SIL1: variants seen among roughly 807,000 people sequenced by gnomAD.
SIL1 encodes the protein nucleotide exchange factor SIL1.
In SIL1, 40 loss-of-function variants were observed where a neutral mutation model predicts 49.1. The ratio of observed to expected loss-of-function variants is 0.81; its 90% CI spans 0.63 to 1.06. The LOEUF (loss-of-function observed/expected upper bound fraction) is 1.06, where lower values mean the gene tolerates loss of function less well. Among genes scored for constraint, SIL1 ranks in the 50% least tolerant of loss-of-function variants. The pLI is 0.00. For missense variants in SIL1, 500 were observed against 572.6 expected, an observed-to-expected ratio of 0.87 and a Z score of 1.29; for synonymous variants, 253 against 250.8, an observed-to-expected ratio of 1.01 and a Z score of -0.08.
chr5:139,105,967 G>A (rs181996645), intron 3 of SIL1, among the ~76,000 whole-genome samples: 28 of 152,350 alleles, frequency 1.8e-4, no homozygotes, highest in Admixed American at 1.3e-3. Context: ...AAGCGAAGCC[G>A]TGCCAAACTG....
intron 7 of SIL1, chr5:138,953,582 C>A (rs1351083727): frequency 1.3e-5 from 2 of 152,418 alleles, no homozygotes. Context: ...TGCAGAGCAG[C>A]CTGGAGATGG....
chr5:139,063,221 G>C (rs1187716224), intron 3 of SIL1, among the ~76,000 whole-genome samples: 1 of 152,240 alleles, frequency 6.6e-6, no homozygotes, highest in Non-Finnish European at 1.5e-5. Flanking sequence ...TAGGAATCTT[G>C]TTGTGGCCCT....
At position 139,121,119 on chromosome 5, in the gene SIL1, TTC is replaced by T. The variant is rs1355037102; in HGVS notation, c.158_159del (p.Arg53LysfsTer22). The T allele has an allele frequency of 1.9e-6, 3 of 1,614,104 alleles. No individual in the cohort carries two copies. Among genetic ancestry groups the T allele is most frequent in the African/African-American group, 1.3e-5 (1 of 74,930 alleles). On this transcript the variant is annotated frameshift_variant, in exon 3 of 10. Coordinates refer to ENST00000394817, the MANE Select transcript of SIL1 (RefSeq NM_022464.5). LOFTEE classifies it high-confidence loss of function. ...PEKSSTKETE[R>X]KETKAEEELD... ...AGCTCCTCCTCGGCTTTGGTTTCTT[TTC>T]TCTCTGTTTCTTTGGTGCTGCTCTT...
intron 3 of SIL1, among the ~76,000 whole-genome samples, chr5:139,108,531 G>A (rs1214377743): frequency 6.6e-6 from 1 of 152,206 alleles, no homozygotes; most frequent in Non-Finnish European, 1.5e-5. Flanking sequence ...TCAAGGGACA[G>A]GGCTGTGGGA....
chr5:139,150,964 A>G (rs1249322560), intron 1 of SIL1, among the ~76,000 whole-genome samples: 3 of 152,086 alleles, frequency 2.0e-5, no homozygotes, highest in Non-Finnish European at 2.9e-5. Flanking sequence ...TCCCTCTGCC[A>G]CCCTCCCTTG....
At chr5:139,148,264 G>A (rs1751230339) in intron 1 of SIL1, among the ~76,000 whole-genome samples, 1 of 152,152 alleles carries the variant, frequency 6.6e-6, no homozygotes, top group Admixed American at 6.5e-5. Flanking sequence ...AGGGGGCCCT[G>A]CAAGATGCCA....
At chr5:139,006,863 C>G (rs1768130758) in intron 7 of SIL1, among the ~76,000 whole-genome samples, 2 of 147,334 alleles carry the variant, frequency 1.4e-5, no homozygotes, top group African/African-American at 5.1e-5. Flanking sequence ...GTTACTGTAG[C>G]CTTGTAGTAT....
At chr5:138,966,959 T>G (rs1767158167) in intron 7 of SIL1, among the ~76,000 whole-genome samples, 1 of 152,216 alleles carries the variant, frequency 6.6e-6, no homozygotes, top group African/African-American at 2.4e-5. Context: ...ACTTCTATTA[T>G]TTGTCAAGAA....
At position 139,005,259 on chromosome 5, in the gene SIL1, T is replaced by G. The variant is rs1436644499; in HGVS notation, c.767+15912A>C. On this transcript the variant is annotated intron_variant, in intron 7 of 9. Coordinates refer to ENST00000394817, the MANE Select transcript of SIL1 (RefSeq NM_022464.5). ...TTTATCTGCCAAGTAAAAAAAAATT[T>G]TTTTTAATTTAAAAGAAGTTCTAGT... Among the ~76,000 whole-genome samples the G allele has an allele frequency of 2.0e-5, 3 of 152,144 alleles. No homozygotes were observed. The East Asian group carries it at 5.8e-4, about 29-fold the overall frequency.
chr5:139,088,777 A>G (rs1225486507), intron 3 of SIL1, among the ~76,000 whole-genome samples: 1 of 152,244 alleles, frequency 6.6e-6, no homozygotes, highest in African/African-American at 2.4e-5. Flanking sequence ...TGAGCCAGGC[A>G]TGGATATAAA....
intron 3 of SIL1, among the ~76,000 whole-genome samples, chr5:139,074,085 C>G (rs1240964131): frequency 1.3e-5 from 2 of 152,200 alleles, no homozygotes; most frequent in South Asian, 2.1e-4. Context: ...GAGACAAGGA[C>G]TCACTCTGTC....
intron 1 of SIL1, among the ~76,000 whole-genome samples, chr5:139,174,517 A>G (rs1338197112): frequency 6.6e-6 from 1 of 151,996 alleles, no homozygotes. Context: ...AAATTACTAA[A>G]ATCAGAAATC....
chr5:139,152,238 T>G (rs1561882049), intron 1 of SIL1, among the ~76,000 whole-genome samples: 1 of 152,160 alleles, frequency 6.6e-6, no homozygotes, highest in African/African-American at 2.4e-5. Flanking sequence ...TTGGAGTAAA[T>G]GGTCAGGCTT....
intron 3 of SIL1, among the ~76,000 whole-genome samples, chr5:139,060,769 A>G (rs1470633538): frequency 6.6e-6 from 1 of 152,286 alleles, no homozygotes; most frequent in East Asian, 1.9e-4. Context: ...GTGACAGTAA[A>G]TATTTCTAGG....
At chr5:139,195,009 T>G (rs1752238921) in intron 1 of SIL1, among the ~76,000 whole-genome samples, 1 of 151,796 alleles carries the variant, frequency 6.6e-6, no homozygotes, top group Non-Finnish European at 1.5e-5. Flanking sequence ...CTCGGCTCAT[T>G]GCAACCTCCG....
intron 1 of SIL1, among the ~76,000 whole-genome samples, chr5:139,167,339 A>T (rs1380681549): frequency 6.6e-6 from 1 of 152,226 alleles, no homozygotes; most frequent in Non-Finnish European, 1.5e-5. Context: ...CTATTATCAC[A>T]GGAAATGACA....
chr5:138,996,395 T>G (rs911724074), intron 7 of SIL1, among the ~76,000 whole-genome samples: 2 of 152,290 alleles, frequency 1.3e-5, no homozygotes, highest in African/African-American at 4.8e-5. Flanking sequence ...ATTGAGTTGT[T>G]TGAGCCCCTT....
chr5:138,949,010 T>C (rs978749464), intron 9 of SIL1, among the ~76,000 whole-genome samples: 1 of 152,246 alleles, frequency 6.6e-6, no homozygotes, highest in African/African-American at 2.4e-5. Flanking sequence ...CTTTTCTTTA[T>C]ATTATCCAGT....
At chr5:139,109,676 A>AC in intron 3 of SIL1, among the ~76,000 whole-genome samples, 1 of 135,690 alleles carries the variant, frequency 7.4e-6, no homozygotes, top group Admixed American at 7.8e-5. Context: ...TACACAAAGC[A>AC]CCTAGCACAA....
Sources: allele counts gnomAD v4.1 joint callset (sites outside exome capture counted in the v4.1 genomes callset), GRCh38; gene constraint gnomAD v4.1.1; transcripts MANE v1.5; gene names NCBI Gene and HGNC (gene_info 2026-07-23, HGNC 2026-07-21).